Variants in LIMK1 observed in about 807,000 individuals in gnomAD.
LIMK1 encodes LIM domain kinase 1, also known as LIM motif-containing protein kinase.
In LIMK1, 21 loss-of-function variants were observed where a neutral mutation model predicts 77.6. That is an observed-to-expected ratio of 0.27 (90% CI 0.19 to 0.39). The LOEUF is 0.39. Among genes scored for constraint, LIMK1 ranks in the 10% least tolerant of loss-of-function variants. LIMK1 has a pLI of 1.00. For missense variants in LIMK1, 696 were observed against 901.6 expected (o/e 0.77, Z 2.92); for synonymous variants, 358 against 370.0 (o/e 0.97, Z 0.37).
chr7:74,116,512 A>G (rs178408), intron 13 of LIMK1, among the ~76,000 whole-genome samples: 128,141 of 152,034 alleles, frequency 0.84, 54,918 homozygotes, highest in Middle Eastern at 0.93. Context: ...TGAAATCAAG[A>G]CGCCGGTAGG....
intron 4 of LIMK1, 90 bp from the exon 5 acceptor site, chr7:74,098,942 G>C: frequency 9.6e-7 from 1 of 1,045,510 alleles, no homozygotes; most frequent in South Asian, 1.5e-5. Flanking sequence ...GAAGGGATTG[G>C]GGGAAGAGCC....
At chr7:74,105,652 G>C (rs181242865) in intron 5 of LIMK1, among the ~76,000 whole-genome samples, 1 of 152,106 alleles carries the variant, frequency 6.6e-6, no homozygotes, top group Non-Finnish European at 1.5e-5. Context: ...GCCTACAAGC[G>C]TGCCACCTTT....
intron 1 of LIMK1, 22 bp downstream of exon 1, chr7:74,084,067 G>T: frequency 3.5e-6 from 5 of 1,436,386 alleles, no homozygotes; most frequent in Middle Eastern, 2.0e-4. Context: ...GCGGGGTGTG[G>T]GGCGAGGGCC....
chr7:74,115,565 G>T, intron 12 of LIMK1: 1 of 503,712 alleles, frequency 2.0e-6, no homozygotes, highest in East Asian at 3.3e-5. Flanking sequence ...GGCAGAGGGT[G>T]CAGCGTGTGG....
At chr7:74,093,573 G>A (rs1296816829) in intron 2 of LIMK1, among the ~76,000 whole-genome samples, 3 of 152,266 alleles carry the variant, frequency 2.0e-5, no homozygotes, top group South Asian at 2.1e-4. Flanking sequence ...CTCCACTCCT[G>A]TCATTATGGA....
chr7:74,111,954 A>G lies in LIMK1; in HGVS notation c.1366A>G (p.Ile456Val), dbSNP rs782730435. The G allele has an allele frequency of 3.1e-6, 5 of 1,599,820 alleles. No homozygotes were observed. The highest frequency in any genetic ancestry group is 4.3e-6 in the Non-Finnish European group (5 of 1,173,448). Residue 456 changes from isoleucine to valine, a missense_variant, in exon 12 of 16, where the codon ATC becomes GTC. Ile to Val is a conservative substitution (Grantham distance 29). Coordinates refer to ENST00000336180, the MANE Select transcript of LIMK1 (RefSeq NM_002314.4). Reference protein sequence around the residue: ...SGMAYLHSMNIIHRDLNSHNC... With the variant: ...SGMAYLHSMNVIHRDLNSHNC... Reference sequence around the variant, plus strand: ...CTAGGCCTACCTCCACTCCATGAACATCATCCACCGAGACCTCAACTCCCA... The same window carrying G: ...CTAGGCCTACCTCCACTCCATGAACGTCATCCACCGAGACCTCAACTCCCA...
At chr7:74,093,944 GGCGT>G (rs1799287899) in intron 2 of LIMK1, 1 of 148,884 alleles carries the variant, frequency 6.7e-6, no homozygotes, top group East Asian at 2.0e-4. Context: ...CAGGAACTCC[GGCGT>G]GCTCTCCATC....
chr7:74,088,075 T>G (rs1554694277), intron 2 of LIMK1, among the ~76,000 whole-genome samples: 1 of 152,140 alleles, frequency 6.6e-6, no homozygotes. Flanking sequence ...ATGCCCAGCC[T>G]GTTTTTTCTT....
rs369515387 is a variant in LIMK1, at chr7:74,114,684, C to G, written c.1411-1118C>G. On this transcript the variant is annotated intron_variant, in intron 12 of 15. Transcript: ENST00000336180. ...TAATCCCAGCACTTTGGGAGGCCGA[C>G]GTGGGCGGATCACGAGGTCAGGAGA... 3.5e-4 allele frequency among the ~76,000 whole-genome samples: 52 copies of G among 148,466 alleles called. No homozygotes were observed. The East Asian group carries it at 7.0e-3, about 20-fold the overall frequency.
chr7:74,098,571 G>A (rs1799381839), intron 4 of LIMK1, among the ~76,000 whole-genome samples: 2 of 152,298 alleles, frequency 1.3e-5, no homozygotes, highest in South Asian at 2.1e-4. Context: ...AGCTGGCCAG[G>A]TGCAGTGGCT....
intron 2 of LIMK1, among the ~76,000 whole-genome samples, chr7:74,088,472 G>A (rs1554694351): frequency 1.3e-5 from 2 of 152,122 alleles, no homozygotes; most frequent in South Asian, 4.1e-4. Context: ...AGTTGAGACC[G>A]ATTCGTGAAG....
chr7:74,102,867 CTTT>C (rs200075270), intron 5 of LIMK1, among the ~76,000 whole-genome samples: 3 of 135,394 alleles, frequency 2.2e-5, no homozygotes, highest in Non-Finnish European at 3.2e-5. Flanking sequence ...TCATCAGTAT[CTTT>C]TTTTTTTTTT....
intron 2 of LIMK1, among the ~76,000 whole-genome samples, chr7:74,087,292 T>G (rs1021437155): frequency 1.1e-4 from 17 of 152,072 alleles, no homozygotes; most frequent in African/African-American, 4.1e-4. Context: ...TAGTCCCAGC[T>G]ACTCAAGAGG....
chr7:74,093,300 G>A (rs1554695054), intron 2 of LIMK1: 1 of 1,535,970 alleles, frequency 6.5e-7, no homozygotes, highest in East Asian at 2.4e-5. Flanking sequence ...AGAGGGCTAA[G>A]TAAGTGGGAA....
At chr7:74,098,759 G>A (rs1423935676) in intron 4 of LIMK1, among the ~76,000 whole-genome samples, 1 of 151,990 alleles carries the variant, frequency 6.6e-6, no homozygotes, top group African/African-American at 2.4e-5. Context: ...CAGGAGAATC[G>A]CTTGAACCCA....
At chr7:74,086,126 A>G (rs1554694044) in intron 2 of LIMK1, among the ~76,000 whole-genome samples, 1 of 151,906 alleles carries the variant, frequency 6.6e-6, no homozygotes, top group Non-Finnish European at 1.5e-5. Flanking sequence ...GCTCATTGCA[A>G]CCTCTTCCTC....
At chr7:74,087,909 CTTCTT>C (rs1799162577) in intron 2 of LIMK1, among the ~76,000 whole-genome samples, 1 of 151,224 alleles carries the variant, frequency 6.6e-6, no homozygotes, top group African/African-American at 2.4e-5. Flanking sequence ...TTTTTTGTTT[CTTCTT>C]TTCTTTTTTT....
In LIMK1 at chr7:74,099,309, A is replaced by G. The variant is rs568894545; in HGVS notation, c.608+71A>G. On this transcript the variant is annotated intron_variant, in intron 5 of 15. Coordinates refer to ENST00000336180, the MANE Select transcript of LIMK1 (RefSeq NM_002314.4). ...GTTGATGTGGGTGGCAGAGTCTGGC[A>G]CTGGGGGCCCTGAAAATGAATGGGC... The G allele has an allele frequency of 2.5e-3, 3,673 of 1,455,660 alleles. 3 individuals carry two copies. Among genetic ancestry groups the G allele is most frequent in the Non-Finnish European group, 3.2e-3 (3,369 of 1,054,570 alleles). 90.2% of individuals were successfully genotyped at this position (1,455,660 alleles called of 1,614,324 possible).
At chr7:74,111,348 G>A in intron 10 of LIMK1, 1 of 379,236 alleles carries the variant, frequency 2.6e-6, no homozygotes, top group Non-Finnish European at 4.9e-6. Context: ...TGAGACACAA[G>A]AATCACTTGA....
Sources: allele counts gnomAD v4.1 joint callset (sites outside exome capture counted in the v4.1 genomes callset), GRCh38; gene constraint gnomAD v4.1.1; transcripts MANE v1.5; gene names NCBI Gene and HGNC (gene_info 2026-07-23, HGNC 2026-07-21).